The following TGM6 variants were observed in gnomAD, a reference collection of about 807,000 sequenced individuals.
The protein encoded by TGM6 is protein-glutamine gamma-glutamyltransferase 6.
TGM6 carries 74 observed loss-of-function variants against 77.5 expected under a neutral mutation model. That is an observed-to-expected ratio of 0.96 (90% confidence interval 0.79 to 1.16). TGM6 has a LOEUF of 1.16. Ranked by LOEUF, TGM6 falls within the 50% of genes most tolerant of loss-of-function variation. The probability of loss-of-function intolerance (pLI) is 0.00; values close to 1 mark genes in which losing one functional copy is unlikely to be tolerated. For synonymous variants in TGM6, 383 were observed against 378.9 expected (o/e 1.01, Z -0.12); for missense variants, 968 against 940.2 (o/e 1.03, Z -0.39).
rs2084680929 is a variant in TGM6, at chr20:2,398,019, C to G, written c.645C>G (p.Ile215Met). The G allele has an allele frequency of 1.2e-6, 2 of 1,614,178 alleles. No individual in the cohort carries two copies. Among genetic ancestry groups the G allele is most frequent in the African/African-American group, 2.7e-5 (2 of 75,032 alleles). The change falls in exon 5 of 13, where the codon ATC becomes ATG. Residue 215 changes from isoleucine to methionine, a missense_variant. Physicochemically the swap from Ile to Met is conservative, Grantham distance 10 (BLOSUM62 1). Coordinates refer to ENST00000202625, the MANE Select transcript of TGM6 (RefSeq NM_198994.3). The part of the protein sequence containing the change: ...ATDVSCRHNP[I>M]YVTRVISAMV... ...ACGTGTCCTGCCGCCACAACCCCAT[C>G]TACGTCACCAGGGTCATCAGTGCCA...
intron 9 of TGM6, among the ~76,000 whole-genome samples, chr20:2,413,498 G>T (rs1233117061): frequency 1.3e-5 from 2 of 152,134 alleles, no homozygotes; most frequent in South Asian, 4.1e-4. Context: ...ATAGATCAAA[G>T]AAACTGAACT....
At chr20:2,421,808 T>G (rs1231703831) in intron 10 of TGM6, among the ~76,000 whole-genome samples, 3 of 152,164 alleles carry the variant, frequency 2.0e-5, no homozygotes, top group Non-Finnish European at 4.4e-5. Context: ...AATTTTTTCT[T>G]TCATGGATCA....
At chr20:2,399,040 C>CCCAAGT (rs1314584837) in intron 5 of TGM6, among the ~76,000 whole-genome samples, 2 of 151,950 alleles carry the variant, frequency 1.3e-5, no homozygotes, top group Non-Finnish European at 2.9e-5. Context: ...ACTCAAGGCT[C>CCCAAGT]CCAAGTCCAA....
intron 9 of TGM6, among the ~76,000 whole-genome samples, chr20:2,406,602 G>C (rs1045213644): frequency 6.6e-6 from 1 of 151,268 alleles, no homozygotes; most frequent in Non-Finnish European, 1.5e-5. Flanking sequence ...CTGGGAGGCC[G>C]AGGCAGGCAG....
chr20:2,404,530 G>T (rs1172146594), intron 9 of TGM6, among the ~76,000 whole-genome samples: 1 of 152,124 alleles, frequency 6.6e-6, no homozygotes. Flanking sequence ...CTGAGCACAA[G>T]CTAGAGCAGT....
At chr20:2,423,378 A>G (rs1231898193) in intron 10 of TGM6, among the ~76,000 whole-genome samples, 1 of 152,078 alleles carries the variant, frequency 6.6e-6, no homozygotes, top group Admixed American at 6.5e-5. Context: ...GTAATATTCA[A>G]AATCTTTTGT....
At position 2,404,723 on chromosome 20, in the gene TGM6, C is replaced by A. The variant is rs1408984793; in HGVS notation, c.1336+900C>A. Among the ~76,000 whole-genome samples, 4 of 152,020 alleles carry A rather than the reference C, an allele frequency of 2.6e-5. No homozygotes were observed. In the South Asian group the frequency reaches 6.2e-4, roughly 24 times the overall value. On this transcript the variant is annotated intron_variant, in intron 9 of 12. Transcript: ENST00000202625. ...TAATGTGATCTCAGCTCACTGCAACCTCCGCCTCCTGGGTTCAAGCAATTC... is the reference window on the plus strand; with the variant it reads ...TAATGTGATCTCAGCTCACTGCAACATCCGCCTCCTGGGTTCAAGCAATTC...
At chr20:2,403,862 A>C (rs1323538825) in intron 9 of TGM6, 39 bp downstream of exon 9, 1 of 1,613,584 alleles carries the variant, frequency 6.2e-7, no homozygotes, top group Admixed American at 1.7e-5. Context: ...CTTCCCCCGG[A>C]TGGCCCATCA....
chr20:2,404,121 C>T (rs1462008371), intron 9 of TGM6, among the ~76,000 whole-genome samples: 1 of 152,220 alleles, frequency 6.6e-6, no homozygotes, highest in Non-Finnish European at 1.5e-5. Context: ...TGTTCACATA[C>T]AATAATCACT....
intron 11 of TGM6, 109 bp downstream of exon 11, chr20:2,430,709 C>G: frequency 6.3e-7 from 1 of 1,595,404 alleles, no homozygotes; most frequent in East Asian, 2.2e-5. Context: ...CCAGCTTTAG[C>G]TCTCCAGGGT....
chr20:2,388,126 C>T lies in TGM6; in HGVS notation c.8-6326C>T, dbSNP rs117316225. Among the ~76,000 whole-genome samples the T allele has an allele frequency of 4.1e-4, 63 of 152,294 alleles. No individual in the cohort carries two copies. In the East Asian group the frequency reaches 6.7e-3, roughly 16 times the overall value. On this transcript the variant is annotated intron_variant, in intron 1 of 12. Transcript: ENST00000202625. ...CAGGTCCAGAGGGTGGGAATATATGCTTTACTTCTGCAATGAGAGGAGTAT... is the reference window on the plus strand; with the variant it reads ...CAGGTCCAGAGGGTGGGAATATATGTTTTACTTCTGCAATGAGAGGAGTAT...
At chr20:2,412,924 G>T (rs1005837266) in intron 9 of TGM6, among the ~76,000 whole-genome samples, 1 of 152,078 alleles carries the variant, frequency 6.6e-6, no homozygotes, top group Non-Finnish European at 1.5e-5. Context: ...GATCGAAAGG[G>T]TTTATATTGT....
intron 9 of TGM6, among the ~76,000 whole-genome samples, chr20:2,407,217 C>T (rs986229870): frequency 4.6e-5 from 7 of 152,182 alleles, no homozygotes; most frequent in East Asian, 1.9e-4. Context: ...CTGTGGGCAA[C>T]GTGATTTTAC....
Position 2,396,585 on chromosome 20 carries a change from G to A in TGM6, c.504G>A (p.Val168=). Residue 168 remains valine, a synonymous_variant, in exon 4 of 13, where the codon GTG becomes GTA. Transcript: ENST00000202625. ...ACAGCGGCATCATCTTCCGAGGCGTGGAGAAGCACATACGAGCCCAGGGCT... is the reference window on the plus strand; with the variant it reads ...ACAGCGGCATCATCTTCCGAGGCGTAGAGAAGCACATACGAGCCCAGGGCT... The part of the protein sequence containing the change: ...LSDSGIIFRG[V]EKHIRAQGWN... 3 of 1,614,222 alleles carry A rather than the reference G, an allele frequency of 1.9e-6. No homozygotes were observed. The highest frequency in any genetic ancestry group is 2.5e-6 in the Non-Finnish European group (3 of 1,180,028).
chr20:2,415,592 G>A (rs896031201), intron 9 of TGM6, among the ~76,000 whole-genome samples: 2 of 152,164 alleles, frequency 1.3e-5, no homozygotes, highest in African/African-American at 2.4e-5. Flanking sequence ...TTTGATGGGG[G>A]AAGAGAGGTG....
intron 10 of TGM6, among the ~76,000 whole-genome samples, chr20:2,423,280 T>C (rs1375597757): frequency 6.6e-6 from 1 of 151,098 alleles, no homozygotes; most frequent in Non-Finnish European, 1.5e-5. Flanking sequence ...GCGATGGTGT[T>C]CGATAGCATT....
At chr20:2,384,909 C>T (rs2084584023) in intron 1 of TGM6, among the ~76,000 whole-genome samples, 2 of 151,560 alleles carry the variant, frequency 1.3e-5, no homozygotes, top group Admixed American at 6.6e-5. Flanking sequence ...GGGCTGGGAG[C>T]TCATCCTGCA....
At chr20:2,428,768 C>A (rs1048341887) in intron 10 of TGM6, among the ~76,000 whole-genome samples, 3 of 151,986 alleles carry the variant, frequency 2.0e-5, no homozygotes, top group Non-Finnish European at 4.4e-5. Context: ...TCTGTGAAAG[C>A]GCTTCCAAGT....
At chr20:2,390,705 G>A (rs1480421206) in intron 1 of TGM6, among the ~76,000 whole-genome samples, 1 of 152,200 alleles carries the variant, frequency 6.6e-6, no homozygotes, top group Non-Finnish European at 1.5e-5. Flanking sequence ...GAGGAAAATA[G>A]TGGAGAAGGA....
Sources: allele counts gnomAD v4.1 joint callset (sites outside exome capture counted in the v4.1 genomes callset), GRCh38; gene constraint gnomAD v4.1.1; transcripts MANE v1.5; gene names NCBI Gene and HGNC (gene_info 2026-07-23, HGNC 2026-07-21).